The following IGF2BP3 variants were observed in gnomAD, a reference collection of about 807,000 sequenced individuals.
The protein encoded by IGF2BP3 is insulin-like growth factor 2 mRNA-binding protein 3.
Under a neutral mutation model 73.8 loss-of-function variants are expected in IGF2BP3, and 9 were observed. That is an observed-to-expected ratio of 0.12 (90% confidence interval 0.07 to 0.21). IGF2BP3 has a LOEUF of 0.21. Among genes scored for constraint, IGF2BP3 ranks in the 10% least tolerant of loss-of-function variants. The probability of loss-of-function intolerance (pLI) is 1.00; values close to 1 mark genes in which losing one functional copy is unlikely to be tolerated. For synonymous variants in IGF2BP3, 258 were observed against 256.7 expected, an observed-to-expected ratio of 1.01 and a Z score of -0.05; for missense variants, 542 against 714.0, an observed-to-expected ratio of 0.76 and a Z score of 2.75.
intron 10 of IGF2BP3, among the ~76,000 whole-genome samples, chr7:23,324,329 G>C (rs2128494504): frequency 6.6e-6 from 1 of 151,878 alleles, no homozygotes; most frequent in East Asian, 1.9e-4. Context: ...AGAAGAAATG[G>C]ATAAATTCCT....
At chr7:23,381,115 C>T (rs867751871) in intron 3 of IGF2BP3, among the ~76,000 whole-genome samples, 1 of 152,230 alleles carries the variant, frequency 6.6e-6, no homozygotes, top group Non-Finnish European at 1.5e-5. Context: ...CTTTGGGACT[C>T]CCACACAGCA....
chr7:23,317,322 T>G (rs1168921280), intron 12 of IGF2BP3, among the ~76,000 whole-genome samples: 2 of 152,198 alleles, frequency 1.3e-5, no homozygotes, highest in Non-Finnish European at 2.9e-5. Flanking sequence ...GGAAAACATC[T>G]GAAAACAAGT....
intron 11 of IGF2BP3, 44 bp downstream of exon 11, chr7:23,319,094 A>C (rs1784067989): frequency 8.4e-7 from 1 of 1,183,962 alleles, no homozygotes; most frequent in East Asian, 2.3e-5. Context: ...ATATTTCTGT[A>C]ACTTACTTAA....
At chr7:23,437,066 C>T (rs1018348964) in intron 2 of IGF2BP3, among the ~76,000 whole-genome samples, 3 of 152,034 alleles carry the variant, frequency 2.0e-5, no homozygotes, top group Non-Finnish European at 2.9e-5. Flanking sequence ...CTGCAGTGAG[C>T]TGAGATCGTG....
chr7:23,462,506 C>G (rs893193204), intron 2 of IGF2BP3, among the ~76,000 whole-genome samples: 1 of 152,046 alleles, frequency 6.6e-6, no homozygotes, highest in African/African-American at 2.4e-5. Flanking sequence ...GGACTAAAGG[C>G]GACCGCCACC....
intron 10 of IGF2BP3, among the ~76,000 whole-genome samples, chr7:23,331,375 T>C (rs893935065): frequency 6.6e-6 from 1 of 152,188 alleles, no homozygotes; most frequent in Non-Finnish European, 1.5e-5. Context: ...AACTGAACTT[T>C]CTGAAAATCT....
chr7:23,343,687 A>G, intron 9 of IGF2BP3, 31 bp downstream of exon 9: 1 of 1,581,776 alleles, frequency 6.3e-7, no homozygotes, highest in Non-Finnish European at 8.7e-7. Flanking sequence ...ATTTGTTAAA[A>G]TAAAGACATG....
At chr7:23,447,424 C>T (rs1232861437) in intron 2 of IGF2BP3, among the ~76,000 whole-genome samples, 1 of 151,776 alleles carries the variant, frequency 6.6e-6, no homozygotes, top group Non-Finnish European at 1.5e-5. Context: ...AGGAGTCTGA[C>T]ACCAGCCTGG....
At chr7:23,429,272 A>G (rs1369948657) in intron 2 of IGF2BP3, among the ~76,000 whole-genome samples, 2 of 152,226 alleles carry the variant, frequency 1.3e-5, no homozygotes, top group Admixed American at 6.5e-5. Flanking sequence ...ATTTTCTTCC[A>G]CTAAAAAATC....
At chr7:23,392,451 T>TATAC (rs367599162) in intron 3 of IGF2BP3, among the ~76,000 whole-genome samples, 134 of 144,248 alleles carry the variant, frequency 9.3e-4, no homozygotes, top group Middle Eastern at 3.6e-3. Context: ...TATATATATA[T>TATAC]ACACACACAC....
Position 23,446,736 on chromosome 7 carries a change from G to C in IGF2BP3, c.236+21746C>G, listed in dbSNP as rs78353235. Among the ~76,000 whole-genome samples the C allele has an allele frequency of 6.0e-3, 909 of 152,156 alleles. 6 individuals are homozygous for C. The highest frequency in any genetic ancestry group is 0.021 in the African/African-American group (860 of 41,510). ...TTGTCTCAAAATATCTCCCCACAAA[G>C]TTCTTATTACAAAAGAAAAAATAGT... On this transcript the variant is annotated intron_variant, in intron 2 of 14. Coordinates refer to ENST00000258729, the MANE Select transcript of IGF2BP3 (RefSeq NM_006547.3).
chr7:23,361,211 G>A (rs775786743), intron 5 of IGF2BP3: 4 of 227,222 alleles, frequency 1.8e-5, no homozygotes, highest in Non-Finnish European at 3.5e-5. Context: ...CATACAAGAG[G>A]GGGAGACGGG....
intron 3 of IGF2BP3, among the ~76,000 whole-genome samples, chr7:23,389,540 A>T (rs1786202303): frequency 6.8e-6 from 1 of 147,882 alleles, no homozygotes; most frequent in Admixed American, 6.7e-5. Flanking sequence ...TATATTCAGT[A>T]CTGTTTTTTT....
Position 23,329,970 on chromosome 7 carries a change from T to C in IGF2BP3, c.1204-10716A>G, listed in dbSNP as rs73088151. Among the ~76,000 whole-genome samples the C allele has an allele frequency of 6.6e-3, 1,001 of 152,264 alleles. 7 individuals carry two copies. Among genetic ancestry groups the C allele is most frequent in the Non-Finnish European group, 0.012 (813 of 68,020 alleles). On this transcript the variant is annotated intron_variant, in intron 10 of 14. Transcript: ENST00000258729. ...TCATAAACCAGTATGAAGCTCTCAATGGGTATAGATATGCTTTAAAATACA... is the reference window on the plus strand; with the variant it reads ...TCATAAACCAGTATGAAGCTCTCAACGGGTATAGATATGCTTTAAAATACA...
intron 3 of IGF2BP3, among the ~76,000 whole-genome samples, chr7:23,416,792 G>A (rs1313969428): frequency 3.3e-5 from 5 of 152,180 alleles, no homozygotes; most frequent in African/African-American, 7.2e-5. Flanking sequence ...AGTGGCTCAC[G>A]CCTGTAATCC....
chr7:23,331,765 CAGG>C (rs1416116970), intron 10 of IGF2BP3, among the ~76,000 whole-genome samples: 2 of 150,002 alleles, frequency 1.3e-5, no homozygotes, highest in African/African-American at 4.9e-5. Context: ...GAGGCTGAGG[CAGG>C]AGAACTGCTT....
At chr7:23,384,578 TA>T (rs1225141678) in intron 3 of IGF2BP3, among the ~76,000 whole-genome samples, 1 of 152,010 alleles carries the variant, frequency 6.6e-6, no homozygotes, top group African/African-American at 2.4e-5. Context: ...AGAATGGCCA[TA>T]AATGGATCTT....
At chr7:23,402,190 T>C (rs1049949968) in intron 3 of IGF2BP3, 6 of 152,164 alleles carry the variant, frequency 3.9e-5, no homozygotes, top group Non-Finnish European at 7.4e-5. Flanking sequence ...AGAGATATTT[T>C]TAGACTTTTA....
intron 2 of IGF2BP3, among the ~76,000 whole-genome samples, chr7:23,451,913 A>G: frequency 6.7e-6 from 1 of 149,270 alleles, no homozygotes; most frequent in South Asian, 2.1e-4. Flanking sequence ...ACACCACTGC[A>G]CTCCAGCCTG....
Sources: gnomAD v4.1 joint callset for allele counts (sites outside exome capture counted in the v4.1 genomes callset) on GRCh38, gnomAD v4.1.1 for gene constraint, MANE v1.5 for transcripts, NCBI Gene and HGNC (gene_info 2026-07-23, HGNC 2026-07-21) for gene names.